The following PHF11 variants were observed in gnomAD, a reference collection of about 807,000 sequenced individuals.
PHF11 encodes the protein PHD finger protein 11, also known as BRCA1 C-terminus-associated protein.
A neutral mutation model predicts 40.5 loss-of-function variants in PHF11; 38 were observed. That is an observed-to-expected ratio of 0.94 (90% CI 0.72 to 1.23). The LOEUF is 1.23. PHF11 is among the 50% of genes most tolerant of loss of function. The pLI, the probability that PHF11 is intolerant of heterozygous loss-of-function variation, is 0.00. For synonymous variants in PHF11, 127 were observed against 138.2 expected, an observed-to-expected ratio of 0.92 and a Z score of 0.57; for missense variants, 369 against 392.4, an observed-to-expected ratio of 0.94 and a Z score of 0.50.
chr13:49,516,328 TA>T (rs1390543336), intron 3 of PHF11, among the ~76,000 whole-genome samples: 11 of 152,090 alleles, frequency 7.2e-5, no homozygotes, highest in African/African-American at 2.7e-4. Context: ...TCCCTTATCC[TA>T]AAACCATGCC....
At position 49,496,028 on chromosome 13, in the gene PHF11, C is replaced by G; in HGVS notation, c.27C>G (p.Pro9=). Residue 9 remains proline (P), a synonymous_variant, in exon 1 of 10, where the codon CCC becomes CCG. Transcript: ENST00000378319. The part of the protein sequence containing the change: MAQASPPR[P]ERVLGASSPE... ...TGGCCCAGGCGTCGCCGCCCCGGCC[C>G]GAGAGGGTGCTCGGCGCCAGCAGCC... 2 of 1,457,762 alleles carry G rather than the reference C, an allele frequency of 1.4e-6. No individual in the cohort carries two copies. The highest frequency in any genetic ancestry group is 1.5e-5 in the African/African-American group (1 of 67,540). 90.3% of individuals were successfully genotyped at this position (1,457,762 alleles called of 1,614,324 possible). A position where few individuals can be genotyped will look rare whatever the true frequency, so the allele number is the denominator to read the frequency against.
In PHF11 at chr13:49,505,820, T is replaced by G. The variant is rs371721255; in HGVS notation, c.95-815T>G. Among the ~76,000 whole-genome samples, 18 of 152,308 alleles carry G rather than the reference T, an allele frequency of 1.2e-4. No individual in the cohort carries two copies. In the East Asian group the frequency reaches 1.5e-3, roughly 13 times the overall value. Reference sequence around the variant, plus strand: ...AAAAAAAATCTACTTCCTACCTTCATGTATCTTTCCTAATCATGATATTGA... The same window carrying G: ...AAAAAAAATCTACTTCCTACCTTCAGGTATCTTTCCTAATCATGATATTGA... On this transcript the variant is annotated intron_variant, in intron 1 of 9. Transcript: ENST00000378319.
At chr13:49,527,258 C>A (rs991229813) in intron 9 of PHF11, 12 of 152,162 alleles carry the variant, frequency 7.9e-5, no homozygotes, top group Admixed American at 3.9e-4. Flanking sequence ...TGAGTCTGGT[C>A]TGACTTCTCT....
In PHF11 at chr13:49,528,709, A is replaced by C; in HGVS notation, c.*44A>C. The C allele has an allele frequency of 6.8e-7, 1 of 1,461,538 alleles. No homozygotes were observed. Among genetic ancestry groups the C allele is most frequent in the South Asian group, 1.2e-5 (1 of 80,952 alleles). 90.5% of individuals were successfully genotyped at this position (1,461,538 alleles called of 1,614,324 possible). A position where few individuals can be genotyped will look rare whatever the true frequency, so the allele number is the denominator to read the frequency against. The stretch of plus-strand genomic sequence containing the variant: ...CCAAGAGTCATGTCAAATTGCAATC[A>C]GGCTCAAAACCAGAGACCAGGCTGT... On this transcript the variant is annotated 3_prime_UTR_variant, in exon 10 of 10. Coordinates refer to ENST00000378319, the MANE Select transcript of PHF11 (RefSeq NM_001040443.3).
At chr13:49,527,047 T>TTCA (rs1959328257) in intron 9 of PHF11, among the ~76,000 whole-genome samples, 1 of 106,774 alleles carries the variant, frequency 9.4e-6, no homozygotes, top group African/African-American at 3.3e-5. Flanking sequence ...TGATTTAAAG[T>TTCA]TCATCAGAAA....
chr13:49,498,634 C>T (rs1019978519), intron 1 of PHF11, among the ~76,000 whole-genome samples: 5 of 152,174 alleles, frequency 3.3e-5, no homozygotes, highest in African/African-American at 1.2e-4. Context: ...TCAGGTAGAT[C>T]ATTCTGACAG....
At chr13:49,513,542 G>A (rs1018519823) in intron 3 of PHF11, among the ~76,000 whole-genome samples, 7 of 152,006 alleles carry the variant, frequency 4.6e-5, no homozygotes, top group Non-Finnish European at 8.8e-5. Flanking sequence ...TGTTGGCCAG[G>A]CTGGTCGCGA....
At chr13:49,507,173 G>A (rs1959013002) in intron 2 of PHF11, among the ~76,000 whole-genome samples, 2 of 152,042 alleles carry the variant, frequency 1.3e-5, no homozygotes, top group Admixed American at 1.3e-4. Context: ...CCAAAGTGCT[G>A]GGATTACAGG....
intron 8 of PHF11, chr13:49,525,875 C>G (rs917907098): frequency 2.0e-5 from 9 of 440,576 alleles, no homozygotes; most frequent in Non-Finnish European, 1.4e-5. Context: ...AGTACAAATA[C>G]CAAGAATTGG....
At chr13:49,511,328 T>TTC (rs1491345766) in intron 2 of PHF11, among the ~76,000 whole-genome samples, 3 of 14,554 alleles carry the variant, frequency 2.1e-4, no homozygotes, top group Admixed American at 1.6e-3. Flanking sequence ...GTTCAATGGC[T>TTC]TTTTTTTTTT....
intron 7 of PHF11, chr13:49,523,830 C>A: frequency 1.5e-5 from 4 of 269,298 alleles, no homozygotes; most frequent in South Asian, 7.9e-5. Flanking sequence ...TTAAAAAAGC[C>A]TCTTAATTCA....
intron 6 of PHF11, 58 bp from the exon 7 acceptor site, chr13:49,523,117 G>A: frequency 8.5e-7 from 1 of 1,171,522 alleles, no homozygotes; most frequent in South Asian, 1.2e-5. Context: ...CAAAAGACTG[G>A]TTTTCATTTT....
Position 49,501,017 on chromosome 13 carries a change from G to GTTTTTTTTTTTTTTTTTTTTTTTTT in PHF11, c.94+4933_94+4934insTTTTTTTTTTTTTTTTTTTTTTTTT, listed in dbSNP as rs1491587127. ...CAACTTTTGTTTTTTTTTTTTTTTG[G>GTTTTTTTTTTTTTTTTTTTTTTTTT]TTTTTTTTTTTCTGAAATGGAGTTT... On this transcript the variant is annotated intron_variant, in intron 1 of 9. Transcript: ENST00000378319. Among the ~76,000 whole-genome samples the GTTTTTTTTTTTTTTTTTTTTTTTTT allele has an allele frequency of 5.5e-5, 6 of 108,826 alleles. 1 individual carries two copies. Among genetic ancestry groups the GTTTTTTTTTTTTTTTTTTTTTTTTT allele is most frequent in the Admixed American group, 1.0e-4 (1 of 9,672 alleles). 71.4% of individuals were successfully genotyped at this position (108,826 alleles called of 152,430 possible).
chr13:49,501,729 C>T lies in PHF11; in HGVS notation c.95-4906C>T, dbSNP rs974584326. On this transcript the variant is annotated intron_variant, in intron 1 of 9. Transcript: ENST00000378319. Reference sequence around the variant, plus strand: ...TTTTTTTGAGGAGTTTCGCCCTTGTCGCCCAGGCTAGCATGCAGTGGTGCA... The same window carrying T: ...TTTTTTTGAGGAGTTTCGCCCTTGTTGCCCAGGCTAGCATGCAGTGGTGCA... 3.3e-5 allele frequency among the ~76,000 whole-genome samples: 5 copies of T among 151,980 alleles called. No homozygotes were observed. In the East Asian group the frequency reaches 7.8e-4, roughly 24 times the overall value.
At chr13:49,501,787 T>A (rs1471528765) in intron 1 of PHF11, among the ~76,000 whole-genome samples, 1 of 151,998 alleles carries the variant, frequency 6.6e-6, no homozygotes, top group Non-Finnish European at 1.5e-5. Context: ...TCCTCCCAGG[T>A]TCAAGTGATT....
chr13:49,505,123 TA>T (rs896528088), intron 1 of PHF11, among the ~76,000 whole-genome samples: 4 of 103,112 alleles, frequency 3.9e-5, no homozygotes, highest in African/African-American at 1.1e-4. Context: ...AAAAAAATAA[TA>T]AAAAAATAAA....
chr13:49,507,928 G>A (rs1464793381), intron 2 of PHF11, among the ~76,000 whole-genome samples: 1 of 151,944 alleles, frequency 6.6e-6, no homozygotes, highest in African/African-American at 2.4e-5. Flanking sequence ...ACTGCACTAT[G>A]GCTTTATTAC....
intron 2 of PHF11, among the ~76,000 whole-genome samples, chr13:49,508,053 A>G (rs763215213): frequency 8.6e-5 from 13 of 150,290 alleles, no homozygotes; most frequent in African/African-American, 1.5e-4. Context: ...TGAATTTGGG[A>G]AAAAAATAGA....
intron 9 of PHF11, 111 bp from the exon 10 acceptor site, chr13:49,528,400 G>A: frequency 1.4e-6 from 1 of 723,780 alleles, no homozygotes; most frequent in Non-Finnish European, 2.2e-6. Flanking sequence ...TTTCACCAGA[G>A]GCACGAGGAT....
Sources: allele counts gnomAD v4.1 joint callset (sites outside exome capture counted in the v4.1 genomes callset), GRCh38; gene constraint gnomAD v4.1.1; transcripts MANE v1.5; gene names NCBI Gene and HGNC (gene_info 2026-07-23, HGNC 2026-07-21).